Variants in PDZRN4 observed in about 807,000 individuals in gnomAD.
The protein encoded by PDZRN4 is PDZ domain-containing RING finger protein 4.
PDZRN4 carries 70 observed loss-of-function variants against 99.0 expected under a neutral mutation model. The observed-to-expected ratio is 0.71, with a 90% CI of 0.58 to 0.86. PDZRN4 has a LOEUF of 0.86. PDZRN4 is among the 40% of genes least tolerant of loss of function. PDZRN4 has a pLI of 0.00. For synonymous variants in PDZRN4, 551 were observed against 501.6 expected, an observed-to-expected ratio of 1.10 and a Z score of -1.32; for missense variants, 1,474 against 1,331.2, an observed-to-expected ratio of 1.11 and a Z score of -1.67.
At chr12:41,232,813 T>G (rs1372102535) in intron 3 of PDZRN4, among the ~76,000 whole-genome samples, 3 of 152,038 alleles carry the variant, frequency 2.0e-5, no homozygotes, top group Non-Finnish European at 4.4e-5. Flanking sequence ...GGTCTAACAT[T>G]TAAGTCTTTA....
chr12:41,223,890 G>A (rs2120731828), intron 3 of PDZRN4, among the ~76,000 whole-genome samples: 1 of 152,334 alleles, frequency 6.6e-6, no homozygotes, highest in Admixed American at 6.5e-5. Flanking sequence ...CAGGGTTAGA[G>A]GGAAGGGCTA....
At chr12:41,417,397 T>C (rs1190381447) in intron 3 of PDZRN4, among the ~76,000 whole-genome samples, 1 of 145,276 alleles carries the variant, frequency 6.9e-6, no homozygotes, top group Admixed American at 6.9e-5. Flanking sequence ...GTCAAAATCA[T>C]TGACAATGCT....
rs935540794 is a variant in PDZRN4 at position 41,304,140 on chromosome 12, G to A, written c.843+109952G>A. ...AGAAAGAGAGGAAATGCATTCTGGT[G>A]GCATATAGTCTCAAAGCATGGAAGA... On this transcript the variant is annotated intron_variant, in intron 3 of 9. Transcript: ENST00000402685. Among the ~76,000 whole-genome samples the A allele has an allele frequency of 5.3e-5, 8 of 152,250 alleles. No homozygotes were observed. The South Asian group carries it at 8.3e-4, about 16-fold the overall frequency.
intron 3 of PDZRN4, among the ~76,000 whole-genome samples, chr12:41,224,526 T>A (rs1292170488): frequency 6.6e-6 from 1 of 152,126 alleles, no homozygotes; most frequent in African/African-American, 2.4e-5. Flanking sequence ...GAGGAAGAGA[T>A]CAAGTGATAG....
chr12:41,414,509 G>T (rs994719586), intron 3 of PDZRN4, among the ~76,000 whole-genome samples: 2 of 150,942 alleles, frequency 1.3e-5, no homozygotes, highest in African/African-American at 4.9e-5. Flanking sequence ...CAGCAATTTT[G>T]TTCATTTTTA....
At chr12:41,362,375 C>T (rs1019886576) in intron 3 of PDZRN4, among the ~76,000 whole-genome samples, 1 of 151,862 alleles carries the variant, frequency 6.6e-6, no homozygotes, top group Non-Finnish European at 1.5e-5. Context: ...CTGAAGCTGG[C>T]TTCTGATTAA....
chr12:41,421,408 G>A (rs1454537527), intron 3 of PDZRN4, among the ~76,000 whole-genome samples: 1 of 152,068 alleles, frequency 6.6e-6, no homozygotes, highest in African/African-American at 2.4e-5. Flanking sequence ...GGACAGGCTG[G>A]TCTCAAACTC....
In PDZRN4 at chr12:41,191,460, T is replaced by C; in HGVS notation, c.651T>C (p.Asp217=). The change falls in exon 2 of 10, where the codon GAT becomes GAC. Residue 217 remains aspartate (D), a splice_region_variant and synonymous_variant. Transcript: ENST00000402685. ...TCATTTTATACATTTTTTTCTAGGA[T>C]GGAGAGCATAAGCCATTCACTATTG... is the stretch of plus-strand genomic sequence containing the variant. ...VGDLGGGHRR[D]GEHKPFTIVL... The C allele has an allele frequency of 6.7e-7, 1 of 1,485,042 alleles. No individual in the cohort carries two copies. The highest frequency in any genetic ancestry group is 9.3e-7 in the Non-Finnish European group (1 of 1,080,138). 92.0% of individuals were successfully genotyped at this position (1,485,042 alleles called of 1,614,324 possible). A position where few individuals can be genotyped will look rare whatever the true frequency, so the allele number is the denominator to read the frequency against.
chr12:41,448,325 C>T (rs965853049), intron 3 of PDZRN4, among the ~76,000 whole-genome samples: 1 of 152,144 alleles, frequency 6.6e-6, no homozygotes. Context: ...GCCTACAGTG[C>T]CTTTCCCACC....
At chr12:41,548,352 T>C (rs1300347928) in intron 5 of PDZRN4, among the ~76,000 whole-genome samples, 2 of 152,240 alleles carry the variant, frequency 1.3e-5, no homozygotes, top group Admixed American at 6.5e-5. Flanking sequence ...TTGAAATAAG[T>C]GTTTTATTGG....
chr12:41,386,970 TAACTC>T (rs1348735904), intron 3 of PDZRN4, among the ~76,000 whole-genome samples: 3 of 152,122 alleles, frequency 2.0e-5, no homozygotes, highest in Non-Finnish European at 4.4e-5. Context: ...TTACAAAAAT[TAACTC>T]AAGACAGATT....
At chr12:41,314,921 A>G (rs1429452439) in intron 3 of PDZRN4, among the ~76,000 whole-genome samples, 2 of 152,066 alleles carry the variant, frequency 1.3e-5, no homozygotes, top group East Asian at 3.9e-4. Context: ...GAATTCAAAT[A>G]TCCATGTAAA....
intron 5 of PDZRN4, among the ~76,000 whole-genome samples, chr12:41,523,461 T>A (rs1938525028): frequency 6.6e-6 from 1 of 152,098 alleles, no homozygotes; most frequent in Non-Finnish European, 1.5e-5. Flanking sequence ...TCAGTGGAGT[T>A]CAGAGCTAAG....
At chr12:41,459,228 G>T (rs1952847787) in intron 3 of PDZRN4, among the ~76,000 whole-genome samples, 1 of 152,192 alleles carries the variant, frequency 6.6e-6, no homozygotes, top group African/African-American at 2.4e-5. Flanking sequence ...ATATCCCGTA[G>T]ATTTGTTAAT....
intron 3 of PDZRN4, among the ~76,000 whole-genome samples, chr12:41,397,932 T>A (rs1468854203): frequency 2.0e-5 from 3 of 152,018 alleles, no homozygotes; most frequent in South Asian, 4.2e-4. Flanking sequence ...GGTAACATGG[T>A]TTAAAAAAAA....
chr12:41,306,494 G>T (rs1344649826), intron 3 of PDZRN4, among the ~76,000 whole-genome samples: 1 of 152,106 alleles, frequency 6.6e-6, no homozygotes, highest in African/African-American at 2.4e-5. Flanking sequence ...TTCAGTTCTA[G>T]CTGGCAATGT....
At chr12:41,391,536 CCTTA>C (rs1952211536) in intron 3 of PDZRN4, among the ~76,000 whole-genome samples, 2 of 152,172 alleles carry the variant, frequency 1.3e-5, no homozygotes, top group South Asian at 2.1e-4. Context: ...GCTTGAGCCA[CCTTA>C]CTTACTGAGG....
At chr12:41,384,947 C>G (rs902951363) in intron 3 of PDZRN4, among the ~76,000 whole-genome samples, 1 of 152,194 alleles carries the variant, frequency 6.6e-6, no homozygotes, top group African/African-American at 2.4e-5. Context: ...CTACTGCTTA[C>G]AGATAAGATA....
chr12:41,431,540 A>C (rs1438994650), intron 3 of PDZRN4, among the ~76,000 whole-genome samples: 1 of 152,200 alleles, frequency 6.6e-6, no homozygotes, highest in East Asian at 1.9e-4. Flanking sequence ...TCGTCTTCAC[A>C]GTCAGCCTGT....
Sources: allele counts gnomAD v4.1 joint callset (sites outside exome capture counted in the v4.1 genomes callset), GRCh38; gene constraint gnomAD v4.1.1; transcripts MANE v1.5; gene names NCBI Gene and HGNC (gene_info 2026-07-23, HGNC 2026-07-21).